Variants in EPHB3 observed in about 807,000 individuals in gnomAD.
EPHB3 encodes the protein EPH receptor B3.
Under a neutral mutation model 100.2 loss-of-function variants are expected in EPHB3, and 33 were observed. The ratio of observed to expected loss-of-function variants is 0.33; its 90% confidence interval spans 0.25 to 0.44. EPHB3 has a LOEUF of 0.44. EPHB3 is among the 20% of genes least tolerant of loss of function. EPHB3 has a pLI of 1.00. For synonymous variants in EPHB3, 526 were observed against 554.7 expected (o/e 0.95, Z 0.73); for missense variants, 1,045 against 1,378.3 (o/e 0.76, Z 3.83).
chr3:184,579,418 C>T lies in EPHB3; in HGVS notation c.1802-59C>T, dbSNP rs1714763173. 1 of 1,593,104 alleles carries T rather than the reference C, an allele frequency of 6.3e-7. No individual in the cohort carries two copies. The highest frequency in any genetic ancestry group is 8.6e-7 in the Non-Finnish European group (1 of 1,165,536). ...GCAGGGAGCCTGCTGGAGCTGTGCC[C>T]ATCGCAGGGAGAGGCTGGCTTGACG... is the stretch of plus-strand genomic sequence containing the variant. On this transcript the variant is annotated intron_variant, in intron 9 of 15. Transcript: ENST00000330394. This position sits in a 1 kb window ranked among gnomAD's most constrained non-coding sequence, Gnocchi z 5.2.
chr3:184,568,891 C>T (rs1481302681), intron 1 of EPHB3, among the ~76,000 whole-genome samples: 8 of 152,164 alleles, frequency 5.3e-5, no homozygotes, highest in Admixed American at 2.0e-4. Context: ...CCCTCCCTCC[C>T]TCCCTCTCTC....
chr3:184,580,557 C>T lies in EPHB3; in HGVS notation c.2328C>T (p.Asp776=), dbSNP rs755954612. 3.1e-6 allele frequency: 5 copies of T among 1,614,092 alleles called. No individual in the cohort carries two copies. Among genetic ancestry groups the T allele is most frequent in the Admixed American group, 3.3e-5 (2 of 60,014 alleles). ...GCAACCTGGTCTGCAAAGTCTCAGA[C>T]TTTGGCCTCTCCCGCTTCCTGGAGG... The part of the protein sequence containing the change: ...VNSNLVCKVS[D]FGLSRFLEDD... The change falls in exon 12 of 16, where the codon GAC becomes GAT. Residue 776 remains aspartate, a synonymous_variant. Transcript: ENST00000330394.
rs761460151 is a variant in EPHB3, at chr3:184,562,365, C to G, written c.118+12C>G. On this transcript the variant is annotated intron_variant, in intron 1 of 15. Coordinates refer to ENST00000330394, the MANE Select transcript of EPHB3 (RefSeq NM_004443.4). The surrounding 1 kb of genome is among the most constrained non-coding windows in gnomAD (Gnocchi z 4.8). Reference sequence around the variant, plus strand: ...CCGGGCGCTGGAAGGTGAGCGGCGTCGGGGGGCGCGCCCGGGAACAAGGTG... The same window carrying G: ...CCGGGCGCTGGAAGGTGAGCGGCGTGGGGGGGCGCGCCCGGGAACAAGGTG... 200 of 1,219,484 alleles carry G rather than the reference C, an allele frequency of 1.6e-4. 1 individual carries two copies. The highest frequency in any genetic ancestry group is 1.8e-4 in the Non-Finnish European group (175 of 981,592). 75.5% of individuals were successfully genotyped at this position (1,219,484 alleles called of 1,614,324 possible).
intron 11 of EPHB3, 70 bp downstream of exon 11, chr3:184,580,004 A>C: frequency 6.4e-7 from 1 of 1,560,550 alleles, no homozygotes; most frequent in Non-Finnish European, 8.7e-7. Context: ...CCCTCCCACA[A>C]GTCAGACAGC....
rs200523648 is a variant in EPHB3, at chr3:184,571,378, G to A, written c.179G>A (p.Ser60Asn). 1.7e-5 allele frequency: 27 copies of A among 1,613,984 alleles called. 1 individual carries two copies. The South Asian group carries it at 3.0e-4, about 18-fold the overall frequency. The change falls in exon 2 of 16, where the codon AGT (serine) becomes AAT (asparagine). Residue 60 changes from serine to asparagine, a missense_variant. This residue lies in a region of EPHB3 where 985 missense variants were observed against 1,331.1 expected (regional missense o/e 0.74). Transcript: ENST00000330394. This position sits in a 1 kb window ranked among gnomAD's most constrained non-coding sequence, Gnocchi z 5.0. Reference sequence around the variant, plus strand: ...TTGGCGTGGACATCTCATCCAGAAAGTGGGGTGAGGCTTTCCCATCATTCT... The same window carrying A: ...TTGGCGTGGACATCTCATCCAGAAAATGGGGTGAGGCTTTCCCATCATTCT... ...SELAWTSHPE[S>N]GWEEVSGYDE...
In EPHB3 at chr3:184,562,951, C is replaced by A. The variant is rs1714295482; in HGVS notation, c.118+598C>A. On this transcript the variant is annotated intron_variant, in intron 1 of 15. Coordinates refer to ENST00000330394, the MANE Select transcript of EPHB3 (RefSeq NM_004443.4). The surrounding 1 kb of genome is among the most constrained non-coding windows in gnomAD (Gnocchi z 4.8). ...GGCCCCCGCACCCTTTGTGGAGGCT[C>A]CCTCTCCGCCTGCTAGAGCAGGGCT... Among the ~76,000 whole-genome samples, 1 of 152,226 alleles carries A rather than the reference C, an allele frequency of 6.6e-6. No homozygotes were observed. Among genetic ancestry groups the A allele is most frequent in the Admixed American group, 6.5e-5 (1 of 15,284 alleles).
rs1714309327 is a variant in EPHB3 at position 184,563,426 on chromosome 3, G to A, written c.118+1073G>A. 6.6e-6 allele frequency among the ~76,000 whole-genome samples: 1 copy of A among 152,156 alleles called. No individual in the cohort carries two copies. Among genetic ancestry groups the A allele is most frequent in the Admixed American group, 6.5e-5 (1 of 15,284 alleles). On this transcript the variant is annotated intron_variant, in intron 1 of 15. Transcript: ENST00000330394. The surrounding 1 kb of genome is among the most constrained non-coding windows in gnomAD (Gnocchi z 4.1). ...CAGATCTAGTTACTTTCTTAGTTTAGGAACGAAAACACGAACTCTGTGGAA... is the reference window on the plus strand; with the variant it reads ...CAGATCTAGTTACTTTCTTAGTTTAAGAACGAAAACACGAACTCTGTGGAA...
rs910289405 is a variant in EPHB3, at chr3:184,569,037, G to C, written c.119-2281G>C. ...GCCAGCGCAGGGCTTGTTTTAAACT[G>C]TGGAGGAATCTGGCTGGAGGGGGAG... is the stretch of plus-strand genomic sequence containing the variant. On this transcript the variant is annotated intron_variant, in intron 1 of 15. Transcript: ENST00000330394. The surrounding 1 kb of genome is among the most constrained non-coding windows in gnomAD (Gnocchi z 5.4). Among the ~76,000 whole-genome samples the C allele has an allele frequency of 6.6e-6, 1 of 152,096 alleles. No homozygotes were observed. Among genetic ancestry groups the C allele is most frequent in the East Asian group, 1.9e-4 (1 of 5,156 alleles).
chr3:184,572,660 C>G lies in EPHB3; in HGVS notation c.340C>G (p.Arg114Gly). The G allele has an allele frequency of 1.3e-6, 2 of 1,586,594 alleles. No individual in the cohort carries two copies. The highest frequency in any genetic ancestry group is 1.7e-6 in the Non-Finnish European group (2 of 1,168,342). Residue 114 changes from arginine to glycine, a missense_variant, in exon 3 of 16, where the codon CGT (arginine) becomes GGT (glycine). Physicochemically the swap from Arg to Gly is moderately radical, Grantham distance 125. This residue lies in a region of EPHB3 where 985 missense variants were observed against 1,331.1 expected (regional missense o/e 0.74). Coordinates refer to ENST00000330394, the MANE Select transcript of EPHB3 (RefSeq NM_004443.4). The surrounding 1 kb of genome is among the most constrained non-coding windows in gnomAD (Gnocchi z 6.6). ...RVYVELKFTV[R>G]DCNSIPNIPG... ...CTACGTGGAGCTCAAGTTCACTGTG[C>G]GTGACTGCAACAGCATCCCCAACAT...
rs1261785920 is a variant in EPHB3, at chr3:184,577,050, G to C, written c.1221G>C (p.Glu407Asp). 1 of 1,613,800 alleles carries C rather than the reference G, an allele frequency of 6.2e-7. No homozygotes were observed. The highest frequency in any genetic ancestry group is 8.5e-7 in the Non-Finnish European group (1 of 1,179,964). Residue 407 changes from glutamate (E) to aspartate (D), a missense_variant, in exon 5 of 16, where the codon GAG becomes GAC. This residue lies in a region of EPHB3 where 985 missense variants were observed against 1,331.1 expected (regional missense o/e 0.74). Transcript: ENST00000330394. This position sits in a 1 kb window ranked among gnomAD's most constrained non-coding sequence, Gnocchi z 4.9. ...EFVPRQLGLT[E>D]RRVHISHLLA... ...TGCCTCGGCAGCTGGGCCTGACGGA[G>C]CGCCGGGTCCACATCAGCCATCTGC...
Position 184,577,646 on chromosome 3 carries a change from C to T in EPHB3, c.1480-12C>T, listed in dbSNP as rs1334790794. The stretch of plus-strand genomic sequence containing the variant: ...CCCACCTGAGGGTGCCCCCTCTCTC[C>T]TGGCATTGCAGAGCGAGGGCATCGC... On this transcript the variant is annotated splice_polypyrimidine_tract_variant and intron_variant, in intron 6 of 15. Coordinates refer to ENST00000330394, the MANE Select transcript of EPHB3 (RefSeq NM_004443.4). The surrounding 1 kb of genome is among the most constrained non-coding windows in gnomAD (Gnocchi z 4.9). 6.3e-7 allele frequency: 1 copy of T among 1,582,996 alleles called. No individual in the cohort carries two copies. Among genetic ancestry groups the T allele is most frequent in the African/African-American group, 1.3e-5 (1 of 74,452 alleles).
Position 184,578,099 on chromosome 3 carries a change from T to G in EPHB3, c.1748+93T>G. 7.2e-7 allele frequency: 1 copy of G among 1,383,974 alleles called. No individual in the cohort carries two copies. Among genetic ancestry groups the G allele is most frequent in the Non-Finnish European group, 9.9e-7 (1 of 1,014,522 alleles). 85.7% of individuals were successfully genotyped at this position (1,383,974 alleles called of 1,614,324 possible). On this transcript the variant is annotated intron_variant, in intron 8 of 15. Coordinates refer to ENST00000330394, the MANE Select transcript of EPHB3 (RefSeq NM_004443.4). The surrounding 1 kb of genome is among the most constrained non-coding windows in gnomAD (Gnocchi z 4.7). ...TGCCACAGAGATGAGCCGCCACCAC[T>G]TCCCTCAGACCCAGGGCCTTAGCCC...
chr3:184,562,395 G>T lies in EPHB3; in HGVS notation c.118+42G>T. 8.4e-7 allele frequency: 1 copy of T among 1,196,524 alleles called. No individual in the cohort carries two copies. The highest frequency in any genetic ancestry group is 4.5e-5 in the Admixed American group (1 of 22,276). The allele number at this position is 1,196,524 out of a possible 1,614,324, so 74.1% of individuals were successfully genotyped here. On this transcript the variant is annotated intron_variant, in intron 1 of 15. Transcript: ENST00000330394. This position sits in a 1 kb window ranked among gnomAD's most constrained non-coding sequence, Gnocchi z 4.8. The stretch of plus-strand genomic sequence containing the variant: ...GGCGCGCCCGGGAACAAGGTGCCTG[G>T]GGTCGCGGGGCTGCGGGCTAGCAGC...
intron 15 of EPHB3, 51 bp downstream of exon 15, chr3:184,581,459 C>T: frequency 6.3e-7 from 1 of 1,592,412 alleles, no homozygotes; most frequent in Non-Finnish European, 8.6e-7. Context: ...CTAGGCTGGG[C>T]CCAGAGTTGA....
rs1405927106 is a variant in EPHB3, at chr3:184,569,068, TG to T, written c.119-2249del. Among the ~76,000 whole-genome samples, 1 of 151,262 alleles carries T rather than the reference TG, an allele frequency of 6.6e-6. No homozygotes were observed. The highest frequency in any genetic ancestry group is 1.5e-5 in the Non-Finnish European group (1 of 67,958). ...GAATCTGGCTGGAGGGGGAGGGGGC[TG>T]AATATTTGGGTTTAAACAGTTCCAG... On this transcript the variant is annotated intron_variant, in intron 1 of 15. Transcript: ENST00000330394. The surrounding 1 kb of genome is among the most constrained non-coding windows in gnomAD (Gnocchi z 5.4).
At chr3:184,575,165 G>A (rs938229243) in intron 3 of EPHB3, 79 of 985,444 alleles carry the variant, frequency 8.0e-5, no homozygotes, top group East Asian at 1.1e-4. Flanking sequence ...GAAGACTGGG[G>A]AGAAGGGATG....
At chr3:184,575,578 G>A (rs886318419) in intron 3 of EPHB3, among the ~76,000 whole-genome samples, 9 of 151,108 alleles carry the variant, frequency 6.0e-5, no homozygotes, top group South Asian at 2.1e-4. Flanking sequence ...TGACGTCTTC[G>A]TCCATGAGGC....
chr3:184,565,978 G>T lies in EPHB3; in HGVS notation c.118+3625G>T, dbSNP rs1714374873. Among the ~76,000 whole-genome samples, 1 of 152,212 alleles carries T rather than the reference G, an allele frequency of 6.6e-6. No individual in the cohort carries two copies. Among genetic ancestry groups the T allele is most frequent in the Non-Finnish European group, 1.5e-5 (1 of 68,044 alleles). Reference sequence around the variant, plus strand: ...AGGCCTGCATAGTTTGAAAATTGTAGCCCTGCCTGTTGTGCTGAGTCAAAC... The same window carrying T: ...AGGCCTGCATAGTTTGAAAATTGTATCCCTGCCTGTTGTGCTGAGTCAAAC... On this transcript the variant is annotated intron_variant, in intron 1 of 15. Transcript: ENST00000330394. The surrounding 1 kb of genome is among the most constrained non-coding windows in gnomAD (Gnocchi z 4.8).
intron 1 of EPHB3, among the ~76,000 whole-genome samples, chr3:184,566,981 G>A (rs922655403): frequency 3.9e-5 from 6 of 152,102 alleles, no homozygotes; most frequent in African/African-American, 1.2e-4. Flanking sequence ...CCTCCCACAG[G>A]CCAGGGTGCC....
Sources: allele counts gnomAD v4.1 joint callset (sites outside exome capture counted in the v4.1 genomes callset), GRCh38; gene constraint gnomAD v4.1.1; regional missense constraint gnomAD v4.1.1; non-coding constraint Gnocchi (gnomAD v3.1); transcripts MANE v1.5; gene names NCBI Gene and HGNC (gene_info 2026-07-23, HGNC 2026-07-21).